Variants in GSDMC observed in about 807,000 individuals in gnomAD.
GSDMC encodes the protein gasdermin C.
Under a neutral mutation model 58.0 loss-of-function variants are expected in GSDMC, and 59 were observed. The observed-to-expected ratio is 1.02, with a 90% confidence interval of 0.82 to 1.26. The LOEUF (loss-of-function observed/expected upper bound fraction) is 1.26. GSDMC is among the 50% of genes most tolerant of loss of function. The pLI, the probability that GSDMC is intolerant of heterozygous loss-of-function variation, is 0.00. For synonymous variants in GSDMC, 241 were observed against 220.2 expected (o/e 1.09, Z -0.83); for missense variants, 659 against 598.5 (o/e 1.10, Z -1.06).
At chr8:129,706,657 T>G in the GSDMC span, 2 of 152,158 alleles carry the variant, frequency 1.3e-5, no homozygotes, top group African/African-American at 2.4e-5. Flanking sequence ...TTAGGCAACA[T>G]TCCTCATCCT....
chr8:129,721,867 C>T, the GSDMC span, among the ~76,000 whole-genome samples: 1 of 152,104 alleles, frequency 6.6e-6, no homozygotes, highest in Non-Finnish European at 1.5e-5. Flanking sequence ...CAGAACAATG[C>T]GCTGTATGTT....
chr8:129,781,070 A>T (rs772433653), intron 1 of GSDMC, among the ~76,000 whole-genome samples: 2 of 152,228 alleles, frequency 1.3e-5, no homozygotes, highest in Non-Finnish European at 2.9e-5. Context: ...AGAAATTGAA[A>T]TATACCATCA....
chr8:129,782,738 G>T lies in GSDMC; in HGVS notation c.-5+3273C>A, dbSNP rs542088773. Among the ~76,000 whole-genome samples, 54 of 152,026 alleles carry T rather than the reference G, an allele frequency of 3.6e-4. 1 individual carries two copies. The highest frequency in any genetic ancestry group is 1.3e-3 in the African/African-American group (53 of 41,490). On this transcript the variant is annotated intron_variant, in intron 1 of 13. Transcript: ENST00000276708. ...ATAAAAAGTCTCCCAGTAAATAAAAGCCTGGGACCCAGTGAATTCAATGCT... is the reference window on the plus strand; with the variant it reads ...ATAAAAAGTCTCCCAGTAAATAAAATCCTGGGACCCAGTGAATTCAATGCT...
At chr8:129,728,973 C>G in the GSDMC span, 3 of 669,348 alleles carry the variant, frequency 4.5e-6, no homozygotes, top group Non-Finnish European at 8.5e-6. Context: ...CGAGAAGGAG[C>G]AGGAGCTGCG....
the GSDMC span, among the ~76,000 whole-genome samples, chr8:129,731,739 T>A: frequency 6.6e-6 from 1 of 152,194 alleles, no homozygotes; most frequent in African/African-American, 2.4e-5. Context: ...CAATCTCATG[T>A]AAAAACACCC....
At chr8:129,749,814 T>G (rs950428223) in intron 12 of GSDMC, among the ~76,000 whole-genome samples, 176 bp downstream of exon 12, 1 of 152,186 alleles carries the variant, frequency 6.6e-6, no homozygotes, top group Non-Finnish European at 1.5e-5. Flanking sequence ...AACTCAATTC[T>G]GTGTCATACG....
chr8:129,717,901 T>A, the GSDMC span, among the ~76,000 whole-genome samples: 1 of 152,042 alleles, frequency 6.6e-6, no homozygotes, highest in Non-Finnish European at 1.5e-5. Context: ...TTGACAAACC[T>A]GACAAAAACA....
chr8:129,754,814 G>C (rs1216475729), intron 6 of GSDMC, among the ~76,000 whole-genome samples: 1 of 152,156 alleles, frequency 6.6e-6, no homozygotes, highest in African/African-American at 2.4e-5. Context: ...AAATGCAGTT[G>C]ACATACTGAA....
chr8:129,765,936 G>A (rs1455979796), intron 3 of GSDMC, 143 bp from the exon 4 acceptor site: 10 of 620,974 alleles, frequency 1.6e-5, no homozygotes, highest in Middle Eastern at 4.3e-4. Context: ...GGGTGGTAGG[G>A]CAGCAGAATG....
chr8:129,736,638 C>T, the GSDMC span, among the ~76,000 whole-genome samples: 44 of 152,282 alleles, frequency 2.9e-4, no homozygotes, highest in African/African-American at 1.0e-3. Context: ...GGGACGTTAT[C>T]TCAAAATAAT....
chr8:129,730,406 T>C, the GSDMC span: 4 of 1,172,572 alleles, frequency 3.4e-6, no homozygotes, highest in African/African-American at 6.3e-5. Flanking sequence ...AATATGCTGA[T>C]TATGAATCTT....
Position 129,777,458 on chromosome 8 carries a change from CCTT to C in GSDMC, c.127_129del (p.Lys43del), listed in dbSNP as rs752009827. On this transcript the variant is annotated inframe_deletion, in exon 2 of 14. Coordinates refer to ENST00000276708, the MANE Select transcript of GSDMC (RefSeq NM_031415.3). ...TGTTCCCAAAATGATGAACGAGAAT[CCTT>C]CTTCTTTCGTAATATAACAAACTGA... is the stretch of plus-strand genomic sequence containing the variant. The C allele has an allele frequency of 1.1e-4, 178 of 1,613,132 alleles. 1 individual carries two copies. Among genetic ancestry groups the C allele is most frequent in the Non-Finnish European group, 6.6e-5 (78 of 1,179,194 alleles).
the GSDMC span, among the ~76,000 whole-genome samples, chr8:129,727,007 C>CACAT: frequency 7.8e-6 from 1 of 128,888 alleles, no homozygotes; most frequent in Non-Finnish European, 1.5e-5. Flanking sequence ...CATACACACA[C>CACAT]ACACACACAC....
chr8:129,714,663 G>T, the GSDMC span, among the ~76,000 whole-genome samples: 1 of 151,150 alleles, frequency 6.6e-6, no homozygotes, highest in Non-Finnish European at 1.5e-5. Context: ...TAAACACACA[G>T]ATTTTATAAT....
chr8:129,769,227 T>C (rs2033971382), intron 3 of GSDMC, among the ~76,000 whole-genome samples: 1 of 152,148 alleles, frequency 6.6e-6, no homozygotes, highest in Admixed American at 6.5e-5. Context: ...AGACACGTTA[T>C]AATTAAATTA....
intron 5 of GSDMC, 127 bp downstream of exon 5, chr8:129,762,499 T>C (rs2033704761): frequency 1.4e-6 from 1 of 713,900 alleles, no homozygotes; most frequent in Non-Finnish European, 2.5e-6. Flanking sequence ...GAAATGTGCA[T>C]GCTTCTCCTT....
chr8:129,722,561 T>G, the GSDMC span, among the ~76,000 whole-genome samples: 1 of 152,252 alleles, frequency 6.6e-6, no homozygotes, highest in Middle Eastern at 3.4e-3. Context: ...CTACATGAGT[T>G]TTTCTCTCTT....
chr8:129,706,526 T>G, the GSDMC span: 1 of 151,976 alleles, frequency 6.6e-6, no homozygotes, highest in Non-Finnish European at 1.5e-5. Flanking sequence ...TCAATGACTT[T>G]AAAGTCCTTT....
chr8:129,712,581 C>T, the GSDMC span, among the ~76,000 whole-genome samples: 1 of 152,052 alleles, frequency 6.6e-6, no homozygotes, highest in East Asian at 1.9e-4. Context: ...GCTGCAGCTC[C>T]AGGACAAGGC....
Sources: gnomAD v4.1 joint callset for allele counts (sites outside exome capture counted in the v4.1 genomes callset) on GRCh38, gnomAD v4.1.1 for gene constraint, MANE v1.5 for transcripts, NCBI Gene and HGNC (gene_info 2026-07-23, HGNC 2026-07-21) for gene names.